The following PPP1R14C variants were observed in gnomAD, a reference collection of about 807,000 sequenced individuals.
The protein encoded by PPP1R14C is protein phosphatase 1 regulatory subunit 14C.
In PPP1R14C, 16 loss-of-function variants were observed where a neutral mutation model predicts 20.4. That is an observed-to-expected ratio of 0.78 (90% confidence interval 0.53 to 1.19). The LOEUF is 1.19. Ranked by LOEUF, PPP1R14C falls within the 50% of genes most tolerant of loss-of-function variation. PPP1R14C has a pLI of 0.00. For synonymous variants in PPP1R14C, 91 were observed against 91.0 expected (o/e 1.00, Z 0.00); for missense variants, 211 against 220.1 (o/e 0.96, Z 0.26).
chr6:150,156,207 T>C (rs1326440764), intron 1 of PPP1R14C, among the ~76,000 whole-genome samples: 1 of 152,130 alleles, frequency 6.6e-6, no homozygotes, highest in Non-Finnish European at 1.5e-5. Flanking sequence ...ATTGACTCCA[T>C]GCTCAATCTC....
intron 1 of PPP1R14C, among the ~76,000 whole-genome samples, chr6:150,148,890 T>C (rs1777209242): frequency 6.6e-6 from 1 of 151,956 alleles, no homozygotes; most frequent in Non-Finnish European, 1.5e-5. Flanking sequence ...ATGATGAAAC[T>C]CCGTCTCTAC....
At position 150,185,423 on chromosome 6, in the gene PPP1R14C, C is replaced by A. The variant is rs1209089976; in HGVS notation, c.307-29321C>A. Among the ~76,000 whole-genome samples the A allele has an allele frequency of 6.6e-6, 1 of 152,142 alleles. No homozygotes were observed. Among genetic ancestry groups the A allele is most frequent in the Non-Finnish European group, 1.5e-5 (1 of 68,032 alleles). On this transcript the variant is annotated intron_variant, in intron 1 of 3. Coordinates refer to ENST00000361131, the MANE Select transcript of PPP1R14C (RefSeq NM_030949.3). This position sits in a 1 kb window ranked among gnomAD's most constrained non-coding sequence, Gnocchi z 4.1. ...ATCGATTTCCTGACTGCTCGTCTTGCCATGGGGACCATCCTTGCATTAACC... is the reference window on the plus strand; with the variant it reads ...ATCGATTTCCTGACTGCTCGTCTTGACATGGGGACCATCCTTGCATTAACC...
At chr6:150,188,801 A>G (rs1777708351) in intron 1 of PPP1R14C, among the ~76,000 whole-genome samples, 1 of 150,816 alleles carries the variant, frequency 6.6e-6, no homozygotes, top group Non-Finnish European at 1.5e-5. Context: ...TTACCTTCTT[A>G]TGGGACATTT....
intron 1 of PPP1R14C, among the ~76,000 whole-genome samples, chr6:150,197,761 G>A (rs1034014351): frequency 3.6e-4 from 55 of 150,850 alleles, no homozygotes; most frequent in Admixed American, 1.8e-3. Flanking sequence ...GGCTTTGTGT[G>A]CCCCTGGCCG....
intron 1 of PPP1R14C, among the ~76,000 whole-genome samples, chr6:150,190,145 A>G (rs1777724743): frequency 6.6e-6 from 1 of 152,124 alleles, no homozygotes; most frequent in Non-Finnish European, 1.5e-5. Context: ...GTTCTGTCTC[A>G]TGGCTTAAAA....
At position 150,185,436 on chromosome 6, in the gene PPP1R14C, C is replaced by T. The variant is rs899109597; in HGVS notation, c.307-29308C>T. On this transcript the variant is annotated intron_variant, in intron 1 of 3. Coordinates refer to ENST00000361131, the MANE Select transcript of PPP1R14C (RefSeq NM_030949.3). The surrounding 1 kb of genome is among the most constrained non-coding windows in gnomAD (Gnocchi z 4.1). ...CTGCTCGTCTTGCCATGGGGACCAT[C>T]CTTGCATTAACCACAGGAATTTCCA... is the stretch of plus-strand genomic sequence containing the variant. Among the ~76,000 whole-genome samples the T allele has an allele frequency of 6.6e-6, 1 of 152,150 alleles. No homozygotes were observed. The highest frequency in any genetic ancestry group is 2.4e-5 in the African/African-American group (1 of 41,432).
rs114436886 is a variant in PPP1R14C at position 150,190,899 on chromosome 6, C to T, written c.307-23845C>T. Among the ~76,000 whole-genome samples, 1,507 of 152,244 alleles carry T rather than the reference C, an allele frequency of 9.9e-3. 25 individuals are homozygous for T. Among genetic ancestry groups the T allele is most frequent in the East Asian group, 0.027 (140 of 5,172 alleles). On this transcript the variant is annotated intron_variant, in intron 1 of 3. Transcript: ENST00000361131. Reference sequence around the variant, plus strand: ...CCTCTCTTGCTCCCTATCCTCAACCCGGATGCCAGAGTGATCCCGTTAATA... The same window carrying T: ...CCTCTCTTGCTCCCTATCCTCAACCTGGATGCCAGAGTGATCCCGTTAATA...
chr6:150,218,245 T>C (rs554759782), intron 3 of PPP1R14C, among the ~76,000 whole-genome samples: 1 of 151,938 alleles, frequency 6.6e-6, no homozygotes, highest in South Asian at 2.1e-4. Flanking sequence ...CTACTAAAAA[T>C]ACAAAAAATT....
At position 150,231,078 on chromosome 6, in the gene PPP1R14C, G is replaced by A. The variant is rs9383732; in HGVS notation, c.423+14222G>A. On this transcript the variant is annotated intron_variant, in intron 3 of 3. Transcript: ENST00000361131. ...GCCCCAAGACGGACTAGTGCAGGGC[G>A]CAGAGCTCAGAGTAGAGGGTGGCCA... Among the ~76,000 whole-genome samples, 15 of 152,330 alleles carry A rather than the reference G, an allele frequency of 9.8e-5. No individual in the cohort carries two copies. The South Asian group carries it at 3.1e-3, about 32-fold the overall frequency.
chr6:150,204,035 G>C (rs964092214), intron 1 of PPP1R14C, among the ~76,000 whole-genome samples: 7 of 152,178 alleles, frequency 4.6e-5, no homozygotes, highest in African/African-American at 1.7e-4. Flanking sequence ...TCTCCCTTCC[G>C]GGGATCTTCA....
At chr6:150,245,573 C>T (rs1377764115) in intron 3 of PPP1R14C, among the ~76,000 whole-genome samples, 1 of 152,168 alleles carries the variant, frequency 6.6e-6, no homozygotes, top group East Asian at 1.9e-4. Context: ...CAAGATGGCC[C>T]CTCTCTGTTA....
At chr6:150,237,513 T>C (rs1419962787) in intron 3 of PPP1R14C, among the ~76,000 whole-genome samples, 1 of 152,194 alleles carries the variant, frequency 6.6e-6, no homozygotes, top group Non-Finnish European at 1.5e-5. Context: ...CAGAGTAGCA[T>C]ATTCTTGATT....
intron 3 of PPP1R14C, among the ~76,000 whole-genome samples, chr6:150,237,227 G>A (rs560944929): frequency 1.9e-4 from 29 of 152,024 alleles, no homozygotes; most frequent in Admixed American, 1.6e-3. Flanking sequence ...TGTTTGAAAC[G>A]GAGTGTTGCT....
chr6:150,144,332 A>C (rs990463137), intron 1 of PPP1R14C, among the ~76,000 whole-genome samples: 12 of 152,264 alleles, frequency 7.9e-5, no homozygotes, highest in Non-Finnish European at 5.9e-5. Context: ...CTAAGGTCAT[A>C]CACAAGTCTC....
intron 3 of PPP1R14C, among the ~76,000 whole-genome samples, chr6:150,236,640 C>CGTGTGTGTGT (rs1384226143): frequency 9.1e-6 from 1 of 110,102 alleles, no homozygotes; most frequent in African/African-American, 3.3e-5. Context: ...TGTGTGTGTG[C>CGTGTGTGTGT]GCGTGTGTGT....
intron 1 of PPP1R14C, among the ~76,000 whole-genome samples, chr6:150,210,532 T>C (rs1778010430): frequency 6.6e-6 from 1 of 152,210 alleles, no homozygotes; most frequent in Non-Finnish European, 1.5e-5. Context: ...CATCTCTTCC[T>C]TCTGTCATTC....
At chr6:150,231,153 G>A (rs938107896) in intron 3 of PPP1R14C, among the ~76,000 whole-genome samples, 1 of 152,094 alleles carries the variant, frequency 6.6e-6, no homozygotes, top group Non-Finnish European at 1.5e-5. Context: ...AACTCCAGGG[G>A]GAGAGAAAGG....
chr6:150,184,431 A>G (rs1261931538), intron 1 of PPP1R14C, among the ~76,000 whole-genome samples: 1 of 152,170 alleles, frequency 6.6e-6, no homozygotes, highest in Non-Finnish European at 1.5e-5. Context: ...CAGCCTAGGC[A>G]TGGAGTAGGT....
intron 1 of PPP1R14C, among the ~76,000 whole-genome samples, chr6:150,206,915 A>T (rs1017078036): frequency 3.3e-5 from 5 of 150,124 alleles, no homozygotes; most frequent in African/African-American, 1.2e-4. Flanking sequence ...TCCGGGCTAG[A>T]GTGCAATGGC....
Sources: gnomAD v4.1 joint callset for allele counts (sites outside exome capture counted in the v4.1 genomes callset) on GRCh38, gnomAD v4.1.1 for gene constraint, Gnocchi (gnomAD v3.1) non-coding constraint, MANE v1.5 for transcripts, NCBI Gene and HGNC (gene_info 2026-07-23, HGNC 2026-07-21) for gene names.